Variants in CCND1 observed in about 807,000 individuals in gnomAD.
CCND1 encodes the protein cyclin D1.
CCND1 carries 9 observed loss-of-function variants against 26.1 expected under a neutral mutation model. That is an observed-to-expected ratio of 0.35 (90% CI 0.21 to 0.60). The LOEUF (loss-of-function observed/expected upper bound fraction) is 0.60, where lower values mean the gene tolerates loss of function less well. CCND1 is among the 20% of genes least tolerant of loss of function. The pLI is 0.79. For synonymous variants in CCND1, 194 were observed against 166.1 expected (o/e 1.17, Z -1.29); for missense variants, 335 against 392.9 (o/e 0.85, Z 1.25).
Position 69,653,611 on chromosome 11 carries a change from G to C in CCND1, c.*2329G>C. On this transcript the variant is annotated 3_prime_UTR_variant, in exon 5 of 5. Transcript: ENST00000227507. ...TGGCGGGGGCCGGCCCCGAGGCCGC[G>C]TGCGTGAGAACCGCGCCGGTGTCCC... 1 of 479,966 alleles carries C rather than the reference G, an allele frequency of 2.1e-6. No homozygotes were observed. The highest frequency in any genetic ancestry group is 3.7e-6 in the Non-Finnish European group (1 of 271,454). The allele number at this position is 479,966 out of a possible 1,614,324, so 29.7% of individuals were successfully genotyped here. A position where few individuals can be genotyped will look rare whatever the true frequency, so the allele number is the denominator to read the frequency against.
rs982012596 is a variant in CCND1, at chr11:69,651,683, C to T, written c.*401C>T. 2.1e-5 allele frequency: 5 copies of T among 241,350 alleles called. No individual in the cohort carries two copies. Among genetic ancestry groups the T allele is most frequent in the Non-Finnish European group, 3.2e-5 (4 of 124,244 alleles). The allele number at this position is 241,350 out of a possible 1,614,324, so 15.0% of individuals were successfully genotyped here. A position where few individuals can be genotyped will look rare whatever the true frequency, so the allele number is the denominator to read the frequency against. On this transcript the variant is annotated 3_prime_UTR_variant, in exon 5 of 5. Coordinates refer to ENST00000227507, the MANE Select transcript of CCND1 (RefSeq NM_053056.3). ...GTCTCGGGAGAGGATTAGGTTCCAT[C>T]CTTTACGTGTTTAAAAAAAAGCATA...
chr11:69,641,564 A>G, intron 1 of CCND1, 53 bp downstream of exon 1: 6 of 1,569,034 alleles, frequency 3.8e-6, no homozygotes, highest in Non-Finnish European at 5.2e-6. Flanking sequence ...TGTTGCCCAG[A>G]CCCACGTTTC....
chr11:69,648,875 C>T (rs528578482), intron 4 of CCND1, among the ~76,000 whole-genome samples: 2 of 152,086 alleles, frequency 1.3e-5, no homozygotes, highest in South Asian at 4.2e-4. Flanking sequence ...TGCCCTCGAG[C>T]CTCCCGGGGA....
rs960949146 is a variant in CCND1 at position 69,643,707 on chromosome 11, C to CGA, written c.415-122_415-121dup. 34 of 853,922 alleles carry CGA rather than the reference C, an allele frequency of 4.0e-5. No individual in the cohort carries two copies. The African/African-American group carries it at 5.7e-4, about 14-fold the overall frequency. The allele number at this position is 853,922 out of a possible 1,614,324, so 52.9% of individuals were successfully genotyped here. ...CTCCCCTCCAACATCCAGGACCGCACGAGACGCAGGGGCCAGTGCTCTGAG... is the reference window on the plus strand; with the variant it reads ...CTCCCCTCCAACATCCAGGACCGCACGAGAGACGCAGGGGCCAGTGCTCTGAG... On this transcript the variant is annotated intron_variant, in intron 2 of 4. Coordinates refer to ENST00000227507, the MANE Select transcript of CCND1 (RefSeq NM_053056.3).
Position 69,643,265 on chromosome 11 carries a change from C to A in CCND1, c.414+19C>A, listed in dbSNP as rs3212864. Reference sequence around the variant, plus strand: ...GCTGCTGGTAACCACTGGACCCCGCCGCCCCCCGCCCCCCGCGAGCCGCAC... The same window carrying A: ...GCTGCTGGTAACCACTGGACCCCGCAGCCCCCCGCCCCCCGCGAGCCGCAC... On this transcript the variant is annotated intron_variant, in intron 2 of 4. Transcript: ENST00000227507. The A allele has an allele frequency of 6.6e-7, 1 of 1,521,994 alleles. No homozygotes were observed. 94.3% of individuals were successfully genotyped at this position (1,521,994 alleles called of 1,614,324 possible).
In CCND1 at chr11:69,644,577, AG is replaced by A. The variant is rs550938711; in HGVS notation, c.574+591del. Among the ~76,000 whole-genome samples the A allele has an allele frequency of 2.6e-3, 394 of 152,272 alleles. 2 individuals are homozygous for A. Among genetic ancestry groups the A allele is most frequent in the African/African-American group, 9.0e-3 (376 of 41,548 alleles). On this transcript the variant is annotated intron_variant, in intron 3 of 4. Transcript: ENST00000227507. ...GCCAGCCGGGCTCAGCTGAGCCCTG[AG>A]GGGGCGCTTCAGAGCACTCTCAGCT...
chr11:69,646,870 G>A (rs558331335), intron 3 of CCND1, among the ~76,000 whole-genome samples: 8 of 152,328 alleles, frequency 5.3e-5, no homozygotes, highest in Non-Finnish European at 1.2e-4. Flanking sequence ...CAGAGGCCCC[G>A]AGACGCCCAC....
At chr11:69,649,566 A>C (rs975791686) in intron 4 of CCND1, among the ~76,000 whole-genome samples, 19 of 152,190 alleles carry the variant, frequency 1.2e-4, no homozygotes, top group Non-Finnish European at 1.8e-4. Flanking sequence ...TGGTGGGTGG[A>C]ATGTCCATCT....
chr11:69,654,044 G>T lies in CCND1; in HGVS notation c.*2762G>T. 1.7e-6 allele frequency: 1 copy of T among 601,064 alleles called. No homozygotes were observed. The highest frequency in any genetic ancestry group is 2.0e-5 in the South Asian group (1 of 50,596). 37.2% of individuals were successfully genotyped at this position (601,064 alleles called of 1,614,324 possible). On this transcript the variant is annotated 3_prime_UTR_variant, in exon 5 of 5. Transcript: ENST00000227507. The surrounding 1 kb of genome is among the most constrained non-coding windows in gnomAD (Gnocchi z 6.3). ...GCCGAACCAAAAGAATTTGCACCCC[G>T]CTGCGGGCCCACGTGGTTGGGGCCC...
chr11:69,649,246 T>C (rs1398081116), intron 4 of CCND1, among the ~76,000 whole-genome samples: 2 of 152,128 alleles, frequency 1.3e-5, no homozygotes, highest in Admixed American at 1.3e-4. Flanking sequence ...GAAACTCGCG[T>C]CTGCACTTTT....
intron 4 of CCND1, among the ~76,000 whole-genome samples, chr11:69,648,705 T>A (rs968124903): frequency 8.5e-5 from 10 of 117,076 alleles, no homozygotes; most frequent in Non-Finnish European, 6.2e-5. Context: ...AAAATGACAA[T>A]CAAAAGGGTT....
At position 69,643,012 on chromosome 11, in the gene CCND1, G is replaced by T. The variant is rs766595231; in HGVS notation, c.199-19G>T. ...GGCGCGACCTGGCGGCGGCGGTCAC[G>T]GGCCCCGTGCCTCCGTAGGTCTGCG... On this transcript the variant is annotated intron_variant, in intron 1 of 4. Coordinates refer to ENST00000227507, the MANE Select transcript of CCND1 (RefSeq NM_053056.3). The T allele has an allele frequency of 6.6e-7, 1 of 1,525,134 alleles. No homozygotes were observed. Among genetic ancestry groups the T allele is most frequent in the Non-Finnish European group, 8.8e-7 (1 of 1,135,040 alleles). The allele number at this position is 1,525,134 out of a possible 1,614,324, so 94.5% of individuals were successfully genotyped here. A position where few individuals can be genotyped will look rare whatever the true frequency, so the allele number is the denominator to read the frequency against.
rs1855863198 is a variant in CCND1 at position 69,652,065 on chromosome 11, G to T, written c.*783G>T. 4.3e-6 allele frequency: 1 copy of T among 233,252 alleles called. No individual in the cohort carries two copies. Among genetic ancestry groups the T allele is most frequent in the East Asian group, 6.0e-5 (1 of 16,586 alleles). 14.4% of individuals were successfully genotyped at this position (233,252 alleles called of 1,614,324 possible). A position where few individuals can be genotyped will look rare whatever the true frequency, so the allele number is the denominator to read the frequency against. ...GGTTTGTCGGGCACCAGCCAGCGTA[G>T]CAGGGTCGGGAAAGGCCACCTGTCC... On this transcript the variant is annotated 3_prime_UTR_variant, in exon 5 of 5. Transcript: ENST00000227507.
intron 4 of CCND1, among the ~76,000 whole-genome samples, chr11:69,649,455 T>C (rs767002161): frequency 7.9e-5 from 12 of 152,206 alleles, no homozygotes; most frequent in Non-Finnish European, 1.5e-4. Flanking sequence ...GAGTCCACTC[T>C]GCCTGATCAG....
At chr11:69,641,556 T>C (rs2120082256) in intron 1 of CCND1, 45 bp downstream of exon 1, 16 of 1,585,960 alleles carry the variant, frequency 1.0e-5, no homozygotes, top group Non-Finnish European at 1.3e-5. Context: ...CTGCAACTTG[T>C]TGCCCAGACC....
Position 69,651,216 on chromosome 11 carries a change from G to C in CCND1, c.822G>C (p.Glu274Asp), listed in dbSNP as rs3206821. Residue 274 changes from glutamate (E) to aspartate (D), a missense_variant, in exon 5 of 5, where the codon GAG becomes GAC. Glu to Asp is a conservative substitution (Grantham distance 45). Coordinates refer to ENST00000227507, the MANE Select transcript of CCND1 (RefSeq NM_053056.3). Reference sequence around the variant, plus strand: ...TGGACCCCAAGGCCGCCGAGGAGGAGGAAGAGGAGGAGGAGGAGGTGGACC... The same window carrying C: ...TGGACCCCAAGGCCGCCGAGGAGGACGAAGAGGAGGAGGAGGAGGTGGACC... Reference protein sequence around the residue: ...QNMDPKAAEEEEEEEEEVDLA... With the variant: ...QNMDPKAAEEDEEEEEEVDLA... The C allele has an allele frequency of 1.2e-6, 2 of 1,604,548 alleles. No homozygotes were observed. The highest frequency in any genetic ancestry group is 1.7e-4 in the Middle Eastern group (1 of 6,022).
chr11:69,649,677 G>A (rs1473606837), intron 4 of CCND1, among the ~76,000 whole-genome samples: 4 of 152,184 alleles, frequency 2.6e-5, no homozygotes, highest in African/African-American at 7.2e-5. Context: ...TTTGTCCACC[G>A]GGGTAGCCTT....
rs1855726921 is a variant in CCND1, at chr11:69,642,888, C to T, written c.199-143C>T. 5 of 449,816 alleles carry T rather than the reference C, an allele frequency of 1.1e-5. No homozygotes were observed. The East Asian group carries it at 1.5e-4, about 13-fold the overall frequency. 27.9% of individuals were successfully genotyped at this position (449,816 alleles called of 1,614,324 possible). ...GACGCGCGGGGGAGGGGGCGCATCA[C>T]GGGAAGCTCCTGCCGCCCCCAGCCC... On this transcript the variant is annotated intron_variant, in intron 1 of 4. Coordinates refer to ENST00000227507, the MANE Select transcript of CCND1 (RefSeq NM_053056.3).
chr11:69,652,629 G>A lies in CCND1; in HGVS notation c.*1347G>A. On this transcript the variant is annotated 3_prime_UTR_variant, in exon 5 of 5. Transcript: ENST00000227507. The stretch of plus-strand genomic sequence containing the variant: ...TACCTAGAGAACAGGTGGTTTTTAA[G>A]GGTTATCTTAGATGTTTCACACCGG... The A allele has an allele frequency of 4.3e-6, 1 of 233,230 alleles. No individual in the cohort carries two copies. The highest frequency in any genetic ancestry group is 6.0e-5 in the East Asian group (1 of 16,600). The allele number at this position is 233,230 out of a possible 1,614,324, so 14.4% of individuals were successfully genotyped here. A position where few individuals can be genotyped will look rare whatever the true frequency, so the allele number is the denominator to read the frequency against.
Sources: allele counts gnomAD v4.1 joint callset (sites outside exome capture counted in the v4.1 genomes callset), GRCh38; gene constraint gnomAD v4.1.1; non-coding constraint Gnocchi (gnomAD v3.1); transcripts MANE v1.5; gene names NCBI Gene and HGNC (gene_info 2026-07-23, HGNC 2026-07-21).